Variants in OXNAD1 observed in about 807,000 individuals in gnomAD.
The protein encoded by OXNAD1 is oxidoreductase NAD binding domain containing 1.
OXNAD1 carries 34 observed loss-of-function variants against 32.9 expected under a neutral mutation model. The ratio of observed to expected loss-of-function variants is 1.03; its 90% CI spans 0.79 to 1.38. The LOEUF is 1.38. Ranked by LOEUF, OXNAD1 falls within the 40% of genes most tolerant of loss-of-function variation. OXNAD1 has a pLI of 0.00. For synonymous variants in OXNAD1, 134 were observed against 135.2 expected (o/e 0.99, Z 0.06); for missense variants, 407 against 379.4 (o/e 1.07, Z -0.60).
Position 16,336,887 on chromosome 3 carries a change from CAT to C in OXNAD1, c.*31-222_*31-221del, listed in dbSNP as rs2070904931. ...TAATAATTGTTATTATTACATGAAACATATTGTTTGGAAGAATGGTGTCTATT... is the reference window on the plus strand; with the variant it reads ...TAATAATTGTTATTATTACATGAAACATTGTTTGGAAGAATGGTGTCTATT... On this transcript the variant is annotated intron_variant, in intron 9 of 9. Transcript: ENST00000435829. The surrounding 1 kb of genome is among the most constrained non-coding windows in gnomAD (Gnocchi z 6.0). 6.6e-6 allele frequency among the ~76,000 whole-genome samples: 1 copy of C among 152,112 alleles called. No individual in the cohort carries two copies. The highest frequency in any genetic ancestry group is 6.5e-5 in the Admixed American group (1 of 15,270).
In OXNAD1 at chr3:16,312,374, C is replaced by T. The variant is rs1446641614; in HGVS notation, c.*30+8782C>T. 6.6e-6 allele frequency among the ~76,000 whole-genome samples: 1 copy of T among 152,220 alleles called. No individual in the cohort carries two copies. Among genetic ancestry groups the T allele is most frequent in the Non-Finnish European group, 1.5e-5 (1 of 68,036 alleles). ...AGGGGCCCACCCTGCACTACTCACG[C>T]AGTTGGCCTCCAGCACTTCCAGCAG... On this transcript the variant is annotated intron_variant, in intron 9 of 9. Transcript: ENST00000435829. This position sits in a 1 kb window ranked among gnomAD's most constrained non-coding sequence, Gnocchi z 4.7.
rs750220522 is a variant in OXNAD1, at chr3:16,301,852, G to C, written c.659G>C (p.Ser220Thr). The C allele has an allele frequency of 1.9e-6, 3 of 1,613,822 alleles. No homozygotes were observed. The African/African-American group carries it at 4.0e-5, about 22-fold the overall frequency. ...IKLFYSAKNT[S>T]ELLFKKNILD... is the part of the protein sequence containing the mutation. ...CTATTCTACAGTGCAAAAAATACCA[G>C]CGAACTCCTGTTTAAGGTAAGGGAG... The change falls in exon 7 of 9, where the codon AGC becomes ACC. Residue 220 changes from serine to threonine, a missense_variant. Physicochemically the swap from Ser to Thr is moderately conservative, Grantham distance 58. Transcript: ENST00000285083. This position sits in a 1 kb window ranked among gnomAD's most constrained non-coding sequence, Gnocchi z 4.1.
downstream of OXNAD1, among the ~76,000 whole-genome samples, chr3:16,307,667 T>C (rs908068584): frequency 6.6e-6 from 1 of 152,210 alleles, no homozygotes; most frequent in Non-Finnish European, 1.5e-5. Flanking sequence ...AAAGATGGAA[T>C]GGTAGCTGGA....
chr3:16,332,259 T>C lies in OXNAD1; in HGVS notation c.*31-4853T>C, dbSNP rs190116459. On this transcript the variant is annotated intron_variant, in intron 9 of 9. Transcript: ENST00000435829. ...GCTATTAATCAAAATGTGTGATAAA[T>C]GTTTTAATTTTATTACCTTCCCCCA... Among the ~76,000 whole-genome samples the C allele has an allele frequency of 2.0e-3, 304 of 152,260 alleles. 2 individuals carry two copies. The highest frequency in any genetic ancestry group is 7.1e-3 in the African/African-American group (294 of 41,556).
In OXNAD1 at chr3:16,303,227, A is replaced by G. The variant is rs566224188; in HGVS notation, c.785-181A>G. 4.2e-4 allele frequency among the ~76,000 whole-genome samples: 64 copies of G among 152,332 alleles called. No individual in the cohort carries two copies. Among genetic ancestry groups the G allele is most frequent in the Non-Finnish European group, 7.8e-4 (53 of 68,030 alleles). On this transcript the variant is annotated intron_variant, in intron 8 of 8. Transcript: ENST00000285083. The surrounding 1 kb of genome is among the most constrained non-coding windows in gnomAD (Gnocchi z 4.8). ...GCTTGCTTAGGTTTAGGAAGCCTGG[A>G]GATGCACTCTGCTTGGGTCTGGGCC...
Position 16,271,115 on chromosome 3 carries a change from A to G in OXNAD1, c.119+44A>G. The stretch of plus-strand genomic sequence containing the variant: ...TGTGTCATTTGAAGTTAATTTTCAA[A>G]GAGACCCGACCTGCTGATGGTTGTG... On this transcript the variant is annotated intron_variant, in intron 3 of 8. Transcript: ENST00000285083. The surrounding 1 kb of genome is among the most constrained non-coding windows in gnomAD (Gnocchi z 4.6). 6.2e-7 allele frequency: 1 copy of G among 1,603,838 alleles called. No individual in the cohort carries two copies. The highest frequency in any genetic ancestry group is 8.5e-7 in the Non-Finnish European group (1 of 1,173,340).
intron 1 of OXNAD1, among the ~76,000 whole-genome samples, chr3:16,267,687 C>T (rs2064630176): frequency 6.6e-6 from 1 of 152,308 alleles, no homozygotes; most frequent in African/African-American, 2.4e-5. Flanking sequence ...CTTTATCATA[C>T]TCATCATAAT....
intron 4 of OXNAD1, among the ~76,000 whole-genome samples, chr3:16,273,787 G>A (rs570225694): frequency 2.0e-5 from 3 of 152,240 alleles, no homozygotes; most frequent in Admixed American, 6.5e-5. Context: ...TATGTTGACT[G>A]CCAATTCTAA....
In OXNAD1 at chr3:16,288,255, T is replaced by C. The variant is rs1219709176; in HGVS notation, c.290+1807T>C. 1.3e-5 allele frequency among the ~76,000 whole-genome samples: 2 copies of C among 152,024 alleles called. No individual in the cohort carries two copies. Among genetic ancestry groups the C allele is most frequent in the African/African-American group, 2.4e-5 (1 of 41,390 alleles). On this transcript the variant is annotated intron_variant, in intron 5 of 8. Transcript: ENST00000285083. The surrounding 1 kb of genome is among the most constrained non-coding windows in gnomAD (Gnocchi z 5.1). ...GGTACTTTGGAGAAGAGGGCAAGGA[T>C]TAGGGATAGGAAGTGAGGATGTGGC...
At position 16,329,451 on chromosome 3, in the gene OXNAD1, A is replaced by G. The variant is rs1390650195; in HGVS notation, c.*31-7661A>G. ...TAATCCGTTTACAGGTGGGGCCAGG[A>G]GAGAATGCCATTCTGGTCCCTTCCC... On this transcript the variant is annotated intron_variant, in intron 9 of 9. Coordinates refer to the OXNAD1 transcript ENST00000435829. The surrounding 1 kb of genome is among the most constrained non-coding windows in gnomAD (Gnocchi z 4.5). Among the ~76,000 whole-genome samples, 1 of 152,190 alleles carries G rather than the reference A, an allele frequency of 6.6e-6. No homozygotes were observed.
At position 16,301,746 on chromosome 3, in the gene OXNAD1, C is replaced by T. The variant is rs1348987069; in HGVS notation, c.553C>T (p.Leu185Phe). ...IAGGVGINPL[L>F]SILRHAADLL... ...AGGAGGAGTCGGAATTAACCCTCTG[C>T]TTTCCATCCTGCGGCACGCAGCAGA... Residue 185 changes from leucine (L) to phenylalanine (F), a missense_variant, in exon 7 of 9, where the codon CTT becomes TTT. Leu to Phe is a conservative substitution (Grantham distance 22). Coordinates refer to ENST00000285083, the MANE Select transcript of OXNAD1 (RefSeq NM_138381.5). This position sits in a 1 kb window ranked among gnomAD's most constrained non-coding sequence, Gnocchi z 4.1. The T allele has an allele frequency of 3.1e-6, 5 of 1,613,952 alleles. No homozygotes were observed. Among genetic ancestry groups the T allele is most frequent in the South Asian group, 2.2e-5 (2 of 91,090 alleles).
At chr3:16,267,662 C>G (rs2064628549) in intron 1 of OXNAD1, among the ~76,000 whole-genome samples, 1 of 152,192 alleles carries the variant, frequency 6.6e-6, no homozygotes, top group Non-Finnish European at 1.5e-5. Flanking sequence ...CCACCTACCC[C>G]ATCACTCTTA....
At chr3:16,323,969 G>A (rs1176464328) in intron 9 of OXNAD1, among the ~76,000 whole-genome samples, 2 of 152,194 alleles carry the variant, frequency 1.3e-5, no homozygotes, top group Non-Finnish European at 2.9e-5. Flanking sequence ...GCAAGGCAGT[G>A]CCTGTTAACC....
chr3:16,318,504 T>C (rs770629035), intron 9 of OXNAD1, among the ~76,000 whole-genome samples: 19 of 152,196 alleles, frequency 1.2e-4, no homozygotes, highest in Non-Finnish European at 2.6e-4. Flanking sequence ...AAAAATGTGC[T>C]ATGTAAATGT....
At chr3:16,323,340 T>G in intron 9 of OXNAD1, 1 of 1,484,142 alleles carries the variant, frequency 6.7e-7, no homozygotes, top group Non-Finnish European at 9.4e-7. Context: ...GAAGCCCTGC[T>G]GAGGAAAACC....
At chr3:16,323,273 C>G in intron 9 of OXNAD1, 2 of 815,722 alleles carry the variant, frequency 2.5e-6, no homozygotes, top group Non-Finnish European at 4.0e-6. Context: ...GCTCTGCGAG[C>G]CCTTGGAAGC....
downstream of OXNAD1, among the ~76,000 whole-genome samples, chr3:16,341,931 G>A (rs528593373): frequency 4.6e-5 from 7 of 152,272 alleles, no homozygotes; most frequent in Non-Finnish European, 7.4e-5. The surrounding 1 kb of genome is among the most constrained non-coding windows in gnomAD (Gnocchi z 4.7). Flanking sequence ...ATGCTATGCA[G>A]CTACCTTCTA....
chr3:16,315,550 G>T (rs1393370497), intron 9 of OXNAD1: 64 of 152,310 alleles, frequency 4.2e-4, no homozygotes, highest in African/African-American at 1.4e-3. Context: ...ACTGATGTAA[G>T]GTTTTTTGCT....
Position 16,286,427 on chromosome 3 carries a change from T to TTTCCTTTAAAGCTGGCCAGTGG in OXNAD1, c.271_290+2dup, listed in dbSNP as rs771694846. ...CGCTTGCTTGTTGCTGATCAAGACT[T>TTTCCTTTAAAGCTGGCCAGTGG]TTCCTTTAAAGCTGGCCAGTGGTAA... On this transcript the variant is annotated frameshift_variant, in exon 5 of 9. Transcript: ENST00000285083. LOFTEE classifies it high-confidence loss of function. The TTTCCTTTAAAGCTGGCCAGTGG allele has an allele frequency of 6.2e-7, 1 of 1,613,808 alleles. No individual in the cohort carries two copies. Among genetic ancestry groups the TTTCCTTTAAAGCTGGCCAGTGG allele is most frequent in the African/African-American group, 1.3e-5 (1 of 74,912 alleles).
Sources: gnomAD v4.1 joint callset for allele counts (sites outside exome capture counted in the v4.1 genomes callset) on GRCh38, gnomAD v4.1.1 for gene constraint, Gnocchi (gnomAD v3.1) non-coding constraint, MANE v1.5 for transcripts, NCBI Gene and HGNC (gene_info 2026-07-23, HGNC 2026-07-21) for gene names.